Variants in EYS observed in about 807,000 individuals in gnomAD.
EYS encodes EGF-like photoreceptor maintenance factor, also known as protein eyes shut homolog.
Under a neutral mutation model 282.1 loss-of-function variants are expected in EYS, and 250 were observed. The ratio of observed to expected loss-of-function variants is 0.89; its 90% CI spans 0.80 to 0.98. The LOEUF (loss-of-function observed/expected upper bound fraction) is 0.98. Among genes scored for constraint, EYS ranks in the 50% least tolerant of loss-of-function variants. The pLI is 0.00. For missense variants in EYS, 4,016 were observed against 3,709.0 expected, an observed-to-expected ratio of 1.08 and a Z score of -2.15; for synonymous variants, 1,355 against 1,282.9, an observed-to-expected ratio of 1.06 and a Z score of -1.20.
Position 65,265,244 on chromosome 6 carries a change from A to T in EYS, c.2023+30619T>A, listed in dbSNP as rs138031278. Among the ~76,000 whole-genome samples, 277 of 152,176 alleles carry T rather than the reference A, an allele frequency of 1.8e-3. 1 individual carries two copies. The highest frequency in any genetic ancestry group is 3.4e-3 in the Non-Finnish European group (231 of 67,964). On this transcript the variant is annotated intron_variant, in intron 12 of 42. Transcript: ENST00000503581. ...TACACACGTACCCTCAGGATCCAAAATAAAAGTTGGAAAAAGAAATCTCTA... is the reference window on the plus strand; with the variant it reads ...TACACACGTACCCTCAGGATCCAAATTAAAAGTTGGAAAAAGAAATCTCTA...
intron 2 of EYS, among the ~76,000 whole-genome samples, chr6:65,612,319 A>G (rs1382915131): frequency 6.6e-6 from 1 of 151,626 alleles, no homozygotes; most frequent in Non-Finnish European, 1.5e-5. Flanking sequence ...CTCATGAAAT[A>G]TGATGAATTG....
intron 18 of EYS, 90 bp from the exon 19 acceptor site, chr6:64,886,932 C>A: frequency 1.2e-6 from 1 of 813,378 alleles, no homozygotes. Context: ...AAATTCAAGA[C>A]ATTCAACTTA....
At chr6:64,433,131 C>T (rs768608996) in intron 28 of EYS, among the ~76,000 whole-genome samples, 5 of 151,928 alleles carry the variant, frequency 3.3e-5, no homozygotes, top group Non-Finnish European at 7.4e-5. Context: ...ATATTTGTTT[C>T]GCTTTTTCTG....
In EYS at chr6:65,690,225, T is replaced by C. The variant is rs562758455; in HGVS notation, c.-448+16910A>G. 2.7e-5 allele frequency among the ~76,000 whole-genome samples: 4 copies of C among 150,162 alleles called. 1 individual carries two copies. In the South Asian group the frequency reaches 8.6e-4, roughly 32 times the overall value. ...GCAAGATATTAATCAGCAGTAACAG[T>C]TGCAGCAAAAGCTGGTTACAAACAA... is the stretch of plus-strand genomic sequence containing the variant. On this transcript the variant is annotated intron_variant, in intron 1 of 42. Transcript: ENST00000503581.
intron 26 of EYS, among the ~76,000 whole-genome samples, chr6:64,531,886 A>G (rs555789262): frequency 5.7e-4 from 87 of 152,254 alleles, no homozygotes; most frequent in African/African-American, 1.9e-3. Context: ...GAGCACACTG[A>G]AAGTATAGAG....
chr6:65,492,956 G>A (rs938897373), intron 4 of EYS, among the ~76,000 whole-genome samples: 6 of 151,842 alleles, frequency 4.0e-5, no homozygotes, highest in Non-Finnish European at 7.4e-5. Flanking sequence ...TCCCTTCATC[G>A]CCCAGGCTGG....
intron 2 of EYS, among the ~76,000 whole-genome samples, chr6:65,593,392 C>T (rs1035602852): frequency 7.9e-5 from 12 of 152,026 alleles, no homozygotes; most frequent in Non-Finnish European, 1.2e-4. Context: ...TCTGATACTT[C>T]GGGCGAAACT....
intron 2 of EYS, among the ~76,000 whole-genome samples, chr6:65,535,687 T>C (rs1260083464): frequency 6.6e-6 from 1 of 152,172 alleles, no homozygotes; most frequent in Non-Finnish European, 1.5e-5. Context: ...TACCAGAGGA[T>C]TCTGTTCCTT....
intron 31 of EYS, among the ~76,000 whole-genome samples, chr6:64,133,834 A>G (rs181049123): frequency 2.0e-5 from 3 of 151,122 alleles, no homozygotes; most frequent in Admixed American, 6.6e-5. Context: ...CCTGGATTCC[A>G]TATCTTTCTT....
At chr6:63,731,145 C>A (rs1218234463) in intron 41 of EYS, among the ~76,000 whole-genome samples, 1 of 152,090 alleles carries the variant, frequency 6.6e-6, no homozygotes, top group African/African-American at 2.4e-5. Context: ...TAGATGCCAC[C>A]AAACTACACT....
chr6:63,781,329 T>C (rs945319650), intron 39 of EYS, among the ~76,000 whole-genome samples: 5 of 152,220 alleles, frequency 3.3e-5, no homozygotes, highest in Non-Finnish European at 7.3e-5. Context: ...AATCTATAAA[T>C]TACCTTGGGC....
intron 19 of EYS, among the ~76,000 whole-genome samples, chr6:64,842,277 A>G (rs1055682819): frequency 6.6e-6 from 1 of 151,344 alleles, no homozygotes; most frequent in Non-Finnish European, 1.5e-5. Flanking sequence ...CTGGTATGCC[A>G]TTATTTTCTT....
At chr6:64,324,341 T>C (rs535533493) in intron 29 of EYS, among the ~76,000 whole-genome samples, 1 of 152,314 alleles carries the variant, frequency 6.6e-6, no homozygotes, top group African/African-American at 2.4e-5. Context: ...TGCAAATCAA[T>C]AAATGTGATT....
At chr6:64,362,617 GA>G (rs1772054738) in intron 29 of EYS, among the ~76,000 whole-genome samples, 1 of 151,728 alleles carries the variant, frequency 6.6e-6, no homozygotes, top group African/African-American at 2.4e-5. Flanking sequence ...ACAAATTACA[GA>G]AAATATAATT....
intron 26 of EYS, among the ~76,000 whole-genome samples, chr6:64,582,303 G>A (rs910650733): frequency 3.9e-5 from 6 of 152,116 alleles, no homozygotes; most frequent in Non-Finnish European, 5.9e-5. Context: ...GGTGAACCCC[G>A]TTGTGAACTG....
intron 28 of EYS, among the ~76,000 whole-genome samples, chr6:64,430,097 C>T (rs1357096416): frequency 1.3e-5 from 2 of 152,208 alleles, no homozygotes; most frequent in African/African-American, 4.8e-5. Flanking sequence ...CTAATTGACA[C>T]ATGTCCTGTT....
intron 18 of EYS, among the ~76,000 whole-genome samples, chr6:64,889,056 T>C (rs1015685337): frequency 6.6e-6 from 1 of 152,094 alleles, no homozygotes; most frequent in Non-Finnish European, 1.5e-5. Flanking sequence ...TTTTGAAATA[T>C]TGAATACTAG....
Position 64,552,742 on chromosome 6 carries a change from C to A in EYS, c.5644+37481G>T, listed in dbSNP as rs184751494. On this transcript the variant is annotated intron_variant, in intron 26 of 42. Transcript: ENST00000503581. ...AGCCTGGCCAACATGGTGAACCCCC[C>A]CCACCATCTCTACTAAACATAAAAA... 1.5e-3 allele frequency among the ~76,000 whole-genome samples: 224 copies of A among 149,834 alleles called. 2 individuals are homozygous for A. The highest frequency in any genetic ancestry group is 5.1e-3 in the African/African-American group (209 of 40,806).
chr6:64,498,049 A>G (rs995456639), intron 26 of EYS, among the ~76,000 whole-genome samples: 1 of 151,880 alleles, frequency 6.6e-6, no homozygotes, highest in African/African-American at 2.4e-5. Context: ...TTAAAACCAG[A>G]CTCACTTTAT....
Sources: allele counts gnomAD v4.1 joint callset (sites outside exome capture counted in the v4.1 genomes callset), GRCh38; gene constraint gnomAD v4.1.1; transcripts MANE v1.5; gene names NCBI Gene and HGNC (gene_info 2026-07-23, HGNC 2026-07-21).